TENM4: variants seen among roughly 807,000 people sequenced by gnomAD.
TENM4 encodes the protein teneurin transmembrane protein 4.
Under a neutral mutation model 243.3 loss-of-function variants are expected in TENM4, and 82 were observed. That is an observed-to-expected ratio of 0.34 (90% confidence interval 0.28 to 0.40). The LOEUF (loss-of-function observed/expected upper bound fraction) is 0.40. Among genes scored for constraint, TENM4 ranks in the 10% least tolerant of loss-of-function variants. The pLI, the probability that TENM4 is intolerant of heterozygous loss-of-function variation, is 1.00. For synonymous variants in TENM4, 1,412 were observed against 1,456.3 expected (o/e 0.97, Z 0.69); for missense variants, 3,138 against 3,673.3 (o/e 0.85, Z 3.77).
chr11:79,327,124 C>T (rs1462466291), intron 1 of TENM4, among the ~76,000 whole-genome samples: 1 of 152,120 alleles, frequency 6.6e-6, no homozygotes, highest in Non-Finnish European at 1.5e-5. Context: ...CATTTTTCCC[C>T]CAGCCTTAGT....
intron 1 of TENM4, among the ~76,000 whole-genome samples, chr11:79,321,878 C>T (rs529400246): frequency 6.6e-6 from 1 of 152,220 alleles, no homozygotes; most frequent in African/African-American, 2.4e-5. Flanking sequence ...TGTCCCTGTG[C>T]ATTGTGGGAA....
intron 3 of TENM4, among the ~76,000 whole-genome samples, chr11:79,163,819 A>G (rs1862816395): frequency 6.8e-6 from 1 of 147,320 alleles, no homozygotes. Flanking sequence ...ACATATATAT[A>G]CATGTATGTG....
At chr11:79,033,077 C>T (rs187997134) in intron 6 of TENM4, among the ~76,000 whole-genome samples, 1 of 152,232 alleles carries the variant, frequency 6.6e-6, no homozygotes, top group East Asian at 1.9e-4. Flanking sequence ...CCCTCTAAGG[C>T]ATTTTTATCC....
intron 3 of TENM4, among the ~76,000 whole-genome samples, chr11:79,170,812 G>T (rs557196720): frequency 1.3e-5 from 2 of 152,174 alleles, no homozygotes; most frequent in Non-Finnish European, 2.9e-5. Context: ...CAGTCTTATG[G>T]AACCTAGCAA....
At chr11:79,204,211 C>T (rs180822821) in intron 3 of TENM4, among the ~76,000 whole-genome samples, 4 of 152,048 alleles carry the variant, frequency 2.6e-5, no homozygotes, top group Non-Finnish European at 2.9e-5. Context: ...GATGGTTTCT[C>T]GACTCTGCAA....
intron 2 of TENM4, among the ~76,000 whole-genome samples, chr11:79,258,059 G>T (rs2135317922): frequency 6.6e-6 from 1 of 152,276 alleles, no homozygotes; most frequent in Admixed American, 6.5e-5. Context: ...TGGAAAACTT[G>T]GTGTTATCCC....
intron 1 of TENM4, among the ~76,000 whole-genome samples, chr11:79,368,699 C>T (rs917384029): frequency 1.3e-5 from 2 of 152,182 alleles, no homozygotes; most frequent in Non-Finnish European, 1.5e-5. Context: ...TGGATCATAA[C>T]AGCACCTACC....
chr11:78,864,286 T>C (rs1483288500), intron 9 of TENM4, among the ~76,000 whole-genome samples: 1 of 151,748 alleles, frequency 6.6e-6, no homozygotes, highest in African/African-American at 2.4e-5. Flanking sequence ...TACAAAAAAT[T>C]AGCCGGGCGT....
rs751900588 is a variant in TENM4 at position 78,669,890 on chromosome 11, T to C, written c.6455A>G (p.Lys2152Arg). Residue 2152 changes from lysine (K) to arginine (R), a missense_variant, in exon 32 of 34, where the codon AAG (lysine) becomes AGG (arginine). Around this residue, in one of 2 missense-constraint regions of TENM4, gnomAD observed 2,467 missense variants for 3,059.1 expected, o/e 0.81. Coordinates refer to ENST00000278550, the MANE Select transcript of TENM4 (RefSeq NM_001098816.3). This position sits in a 1 kb window ranked among gnomAD's most constrained non-coding sequence, Gnocchi z 6.4. ...TKHFDAYGRM[K>R]EVQYEIFRSL... is the part of the protein sequence containing the mutation. Reference sequence around the variant, plus strand: ...GCGGAAGATCTCATACTGCACTTCCTTCATCCTGCCATATGCATCAAAATG... The same window carrying C: ...GCGGAAGATCTCATACTGCACTTCCCTCATCCTGCCATATGCATCAAAATG... 6.2e-7 allele frequency: 1 copy of C among 1,613,874 alleles called. No homozygotes were observed. The highest frequency in any genetic ancestry group is 8.5e-7 in the Non-Finnish European group (1 of 1,179,852).
intron 4 of TENM4, among the ~76,000 whole-genome samples, chr11:79,140,462 T>C (rs545204232): frequency 3.3e-5 from 5 of 152,206 alleles, no homozygotes; most frequent in African/African-American, 9.6e-5. Context: ...ATAGTCAAAA[T>C]AGTCAGCAAT....
rs527401497 is a variant in TENM4 at position 78,926,071 on chromosome 11, G to A, written c.494-22548C>T. On this transcript the variant is annotated intron_variant, in intron 6 of 33. Coordinates refer to ENST00000278550, the MANE Select transcript of TENM4 (RefSeq NM_001098816.3). ...TAGAGTTCTATCGGGGAGGGAAAAC[G>A]AGAGAGAAGGTAGTGTGGGAATCTT... is the stretch of plus-strand genomic sequence containing the variant. Among the ~76,000 whole-genome samples the A allele has an allele frequency of 5.3e-5, 8 of 152,142 alleles. No homozygotes were observed. In the South Asian group the frequency reaches 8.3e-4, roughly 16 times the overall value.
chr11:79,314,215 C>T (rs1438433583), intron 1 of TENM4, among the ~76,000 whole-genome samples: 4 of 152,146 alleles, frequency 2.6e-5, no homozygotes, highest in Admixed American at 1.3e-4. Flanking sequence ...ATGCCTGCCT[C>T]GTGGTGTCAC....
chr11:79,122,316 G>T (rs1214278698), intron 4 of TENM4, among the ~76,000 whole-genome samples: 1 of 152,204 alleles, frequency 6.6e-6, no homozygotes, highest in Admixed American at 6.5e-5. Context: ...GTCGGGCACT[G>T]TTACTAAGAA....
intron 2 of TENM4, 71 bp from the exon 3 acceptor site, chr11:79,215,980 T>C (rs1864045484): frequency 2.4e-6 from 1 of 417,776 alleles, no homozygotes; most frequent in South Asian, 9.9e-5. Flanking sequence ...TCACAGACCC[T>C]CCGCTCCAGC....
intron 6 of TENM4, among the ~76,000 whole-genome samples, chr11:79,049,588 C>T (rs1023950848): frequency 6.6e-6 from 1 of 152,226 alleles, no homozygotes; most frequent in African/African-American, 2.4e-5. Context: ...TGCCTGAGAA[C>T]CTGGCTGGTA....
At position 78,864,148 on chromosome 11, in the gene TENM4, T is replaced by C. The variant is rs182813783; in HGVS notation, c.1085-1016A>G. 1.2e-4 allele frequency among the ~76,000 whole-genome samples: 19 copies of C among 152,298 alleles called. No individual in the cohort carries two copies. The East Asian group carries it at 3.7e-3, about 29-fold the overall frequency. On this transcript the variant is annotated intron_variant, in intron 9 of 33. Transcript: ENST00000278550. ...TATGAAAGACTGGTAACAGTAGCTG[T>C]GTCCTGTGAAGGATAGAGATACTAT...
intron 6 of TENM4, among the ~76,000 whole-genome samples, chr11:79,002,776 C>A (rs534227411): frequency 1.3e-5 from 2 of 152,274 alleles, no homozygotes; most frequent in Admixed American, 1.3e-4. Context: ...TGCACTAGTT[C>A]CCCAGCAATG....
intron 19 of TENM4, among the ~76,000 whole-genome samples, chr11:78,740,075 C>T (rs1041257869): frequency 6.6e-6 from 1 of 152,196 alleles, no homozygotes; most frequent in Non-Finnish European, 1.5e-5. Flanking sequence ...GCAGGTGCTG[C>T]GCACCACATA....
chr11:78,837,164 C>T (rs548751646), intron 12 of TENM4, among the ~76,000 whole-genome samples: 26 of 152,266 alleles, frequency 1.7e-4, no homozygotes, highest in Admixed American at 9.2e-4. Flanking sequence ...AATTCCCATA[C>T]GTTGTGGGAG....
Sources: allele counts gnomAD v4.1 joint callset (sites outside exome capture counted in the v4.1 genomes callset), GRCh38; gene constraint gnomAD v4.1.1; regional missense constraint gnomAD v4.1.1; non-coding constraint Gnocchi (gnomAD v3.1); transcripts MANE v1.5; gene names NCBI Gene and HGNC (gene_info 2026-07-23, HGNC 2026-07-21).